Variants in QTMAN observed in about 807,000 individuals in gnomAD.
QTMAN encodes the protein tRNA-queuosine alpha-mannosyltransferase.
chr2:144,321,523 T>A, the QTMAN span, among the ~76,000 whole-genome samples: 6,729 of 152,282 alleles, frequency 0.044, 222 homozygotes, highest in South Asian at 0.11. Context: ...AGTCATAAAT[T>A]GTAGATTGAC....
At chr2:144,272,929 T>C in the QTMAN span, among the ~76,000 whole-genome samples, 1 of 152,150 alleles carries the variant, frequency 6.6e-6, no homozygotes, top group Non-Finnish European at 1.5e-5. Context: ...TTTTATATTG[T>C]TAATATGATC....
chr2:144,321,320 A>G, the QTMAN span, among the ~76,000 whole-genome samples: 4 of 152,226 alleles, frequency 2.6e-5, no homozygotes, highest in African/African-American at 9.6e-5. Context: ...GGGAAAAAGA[A>G]GAGTTTCCTG....
chr2:144,251,711 A>G, the QTMAN span, among the ~76,000 whole-genome samples: 1 of 152,172 alleles, frequency 6.6e-6, no homozygotes, highest in East Asian at 1.9e-4. Context: ...TCCATGACAA[A>G]AAAAAAGTTG....
the QTMAN span, among the ~76,000 whole-genome samples, chr2:144,078,654 T>C: frequency 2.0e-5 from 3 of 152,240 alleles, no homozygotes; most frequent in East Asian, 3.9e-4. Flanking sequence ...CCTAGGGAAA[T>C]ATAATTGCTA....
chr2:144,123,083 C>A, the QTMAN span, among the ~76,000 whole-genome samples: 1 of 152,012 alleles, frequency 6.6e-6, no homozygotes, highest in South Asian at 2.1e-4. Flanking sequence ...GATTACTTAT[C>A]AATTACTTTT....
the QTMAN span, among the ~76,000 whole-genome samples, chr2:143,947,966 A>G: frequency 1.3e-5 from 2 of 152,016 alleles, no homozygotes; most frequent in Admixed American, 1.3e-4. Flanking sequence ...GAGACTGAGA[A>G]TTTGCCTTAA....
At chr2:144,205,333 A>C in the QTMAN span, among the ~76,000 whole-genome samples, 1 of 152,158 alleles carries the variant, frequency 6.6e-6, no homozygotes, top group African/African-American at 2.4e-5. Flanking sequence ...AAATGTAGGA[A>C]AGGGGAGTTG....
chr2:144,234,220 G>C, the QTMAN span, among the ~76,000 whole-genome samples: 85 of 152,120 alleles, frequency 5.6e-4, no homozygotes, highest in Non-Finnish European at 1.1e-3. Context: ...AGTTGCCACA[G>C]ACACAAACAG....
the QTMAN span, chr2:144,208,789 T>A: frequency 2.5e-6 from 4 of 1,572,804 alleles, no homozygotes; most frequent in Admixed American, 5.4e-5. Flanking sequence ...CATTGGCCCA[T>A]TCAAACCTTC....
the QTMAN span, among the ~76,000 whole-genome samples, chr2:144,111,358 C>T: frequency 6.6e-6 from 1 of 152,204 alleles, no homozygotes; most frequent in African/African-American, 2.4e-5. Context: ...TTCCACCCAA[C>T]AGGCCTTTTC....
the QTMAN span, among the ~76,000 whole-genome samples, chr2:144,103,108 T>A: frequency 6.6e-6 from 1 of 152,160 alleles, no homozygotes; most frequent in South Asian, 2.1e-4. Context: ...ATGATGACAA[T>A]AATAACAACT....
chr2:144,250,908 G>A, the QTMAN span, among the ~76,000 whole-genome samples: 4 of 152,026 alleles, frequency 2.6e-5, no homozygotes, highest in African/African-American at 7.2e-5. Context: ...AAAAAAAGCA[G>A]CAAGTTCCAA....
At chr2:143,956,915 A>G in the QTMAN span, among the ~76,000 whole-genome samples, 2 of 152,270 alleles carry the variant, frequency 1.3e-5, no homozygotes, top group Middle Eastern at 6.8e-3. Flanking sequence ...GAATTCATTC[A>G]CATCTCCACA....
At chr2:144,172,468 A>G in the QTMAN span, among the ~76,000 whole-genome samples, 1 of 151,784 alleles carries the variant, frequency 6.6e-6, no homozygotes, top group Non-Finnish European at 1.5e-5. Flanking sequence ...TAAAAATACA[A>G]AAAAAATTAG....
the QTMAN span, among the ~76,000 whole-genome samples, chr2:144,048,545 A>C: frequency 6.6e-6 from 1 of 152,192 alleles, no homozygotes; most frequent in Non-Finnish European, 1.5e-5. Context: ...ATTATATAAA[A>C]AGAGTATCAC....
chr2:144,310,170 T>C, the QTMAN span, among the ~76,000 whole-genome samples: 54 of 152,068 alleles, frequency 3.6e-4, no homozygotes, highest in African/African-American at 1.2e-3. Flanking sequence ...CAAGAAAGAT[T>C]AGGGAATAAG....
At chr2:144,203,150 AGTGTGTGTGTGTGTGTGTGTGT>A in the QTMAN span, among the ~76,000 whole-genome samples, 2 of 145,534 alleles carry the variant, frequency 1.4e-5, no homozygotes, top group South Asian at 2.2e-4. Flanking sequence ...TACAATGAAG[AGTGTGTGTGTGTGTGTGTGTGT>A]GTGTGTGTGT....
chr2:144,292,664 T>G, the QTMAN span, among the ~76,000 whole-genome samples: 1 of 152,092 alleles, frequency 6.6e-6, no homozygotes, highest in Non-Finnish European at 1.5e-5. Context: ...ATTTATAGAG[T>G]CACCAATCCT....
chr2:144,030,741 G>A, the QTMAN span, among the ~76,000 whole-genome samples: 1 of 152,174 alleles, frequency 6.6e-6, no homozygotes, highest in Non-Finnish European at 1.5e-5. Context: ...AGAGAGACAG[G>A]GAGAAAGATA....
Sources: gnomAD v4.1 joint callset for allele counts (sites outside exome capture counted in the v4.1 genomes callset) on GRCh38, gnomAD v4.1.1 for gene constraint, MANE v1.5 for transcripts, NCBI Gene and HGNC (gene_info 2026-07-23, HGNC 2026-07-21) for gene names.